The following PPA1 variants were observed in gnomAD, a reference collection of about 807,000 sequenced individuals.
PPA1 encodes inorganic pyrophosphatase.
Under a neutral mutation model 41.8 loss-of-function variants are expected in PPA1, and 23 were observed. The ratio of observed to expected loss-of-function variants is 0.55; its 90% CI spans 0.40 to 0.78. The LOEUF (loss-of-function observed/expected upper bound fraction) is 0.78. PPA1 is among the 30% of genes least tolerant of loss of function. The pLI is 0.00. For synonymous variants in PPA1, 101 were observed against 116.8 expected, an observed-to-expected ratio of 0.86 and a Z score of 0.87; for missense variants, 320 against 361.6, an observed-to-expected ratio of 0.89 and a Z score of 0.93.
chr10:70,231,542 G>C (rs1346879339), intron 1 of PPA1, among the ~76,000 whole-genome samples: 3 of 152,326 alleles, frequency 2.0e-5, no homozygotes, highest in African/African-American at 7.2e-5. Flanking sequence ...ACTCCAGCCT[G>C]GGCAACAGAG....
rs780777570 is a variant in PPA1, at chr10:70,209,651, G to A, written c.546C>T (p.Tyr182=). The part of the protein sequence containing the change: ...INDVKRLKPG[Y]LEATVDWFRR... Reference sequence around the variant, plus strand: ...TAAACCAGTCCACAGTAGCTTCTAAGTAGCCAGGTTTCAGCCGTTTGACAT... The same window carrying A: ...TAAACCAGTCCACAGTAGCTTCTAAATAGCCAGGTTTCAGCCGTTTGACAT... The change falls in exon 7 of 11, where the codon TAC becomes TAT. Residue 182 remains tyrosine (Y), a synonymous_variant. Coordinates refer to ENST00000373232, the MANE Select transcript of PPA1 (RefSeq NM_021129.4). The A allele has an allele frequency of 3.7e-6, 6 of 1,605,222 alleles. No individual in the cohort carries two copies. The South Asian group carries it at 6.7e-5, about 18-fold the overall frequency.
intron 4 of PPA1, among the ~76,000 whole-genome samples, chr10:70,215,265 T>C (rs12359484): frequency 2.0e-5 from 3 of 151,886 alleles, no homozygotes; most frequent in Non-Finnish European, 4.4e-5. Context: ...TTTCTTTTTC[T>C]TTTTTGTAGA....
chr10:70,232,385 G>A (rs879585123), intron 1 of PPA1, among the ~76,000 whole-genome samples: 10 of 152,114 alleles, frequency 6.6e-5, no homozygotes, highest in Non-Finnish European at 1.3e-4. Flanking sequence ...CTGGGGGTGG[G>A]GGGAGTAAGA....
At chr10:70,215,197 AAAAAC>A (rs911846271) in intron 4 of PPA1, among the ~76,000 whole-genome samples, 1 of 152,222 alleles carries the variant, frequency 6.6e-6, no homozygotes, top group Admixed American at 6.5e-5. Context: ...TCAATCTCAA[AAAAAC>A]AAAACAAAAC....
intron 3 of PPA1, 47 bp downstream of exon 3, chr10:70,218,717 C>T: frequency 6.8e-7 from 1 of 1,472,136 alleles, no homozygotes; most frequent in Non-Finnish European, 9.5e-7. Flanking sequence ...GTGACTAGAT[C>T]AAAACCAATA....
chr10:70,210,373 G>T (rs1564581311), intron 6 of PPA1: 1 of 1,364,780 alleles, frequency 7.3e-7, no homozygotes, highest in Non-Finnish European at 9.8e-7. Context: ...TACTATCCCT[G>T]GTCCAGAGGC....
intron 8 of PPA1, among the ~76,000 whole-genome samples, chr10:70,207,756 A>G (rs1354130046): frequency 3.9e-5 from 6 of 152,140 alleles, no homozygotes. Context: ...CAATCCTAAT[A>G]TGTTTTTTGG....
rs1491245702 is a variant in PPA1 at position 70,221,077 on chromosome 10, T to TATATATATA, written c.124-2261_124-2260insTATATATAT. On this transcript the variant is annotated intron_variant, in intron 2 of 10. Coordinates refer to ENST00000373232, the MANE Select transcript of PPA1 (RefSeq NM_021129.4). ...TATAATTTATATATATATATATATA[T>TATATATATA]TTTTTTTTTTTTTTTTTTGTAGAGA... 8.7e-3 allele frequency among the ~76,000 whole-genome samples: 87 copies of TATATATATA among 9,970 alleles called. 5 individuals are homozygous for TATATATATA. Among genetic ancestry groups the TATATATATA allele is most frequent in the African/African-American group, 0.022 (80 of 3,700 alleles). 6.5% of individuals were successfully genotyped at this position (9,970 alleles called of 152,430 possible).
chr10:70,206,620 C>T (rs996239554), intron 8 of PPA1, among the ~76,000 whole-genome samples: 12 of 150,808 alleles, frequency 8.0e-5, no homozygotes, highest in South Asian at 2.1e-4. Context: ...CTGAGGCAGG[C>T]GGATCATGAG....
intron 6 of PPA1, among the ~76,000 whole-genome samples, chr10:70,212,764 C>T (rs1247707603): frequency 1.3e-5 from 2 of 151,406 alleles, no homozygotes; most frequent in Non-Finnish European, 2.9e-5. Context: ...GAATGAAATG[C>T]CACTGAATTT....
chr10:70,214,274 T>C (rs1840053436), intron 5 of PPA1, among the ~76,000 whole-genome samples: 1 of 152,250 alleles, frequency 6.6e-6, no homozygotes, highest in African/African-American at 2.4e-5. Context: ...TTCTTCTAGA[T>C]ATATGTTCAA....
intron 2 of PPA1, among the ~76,000 whole-genome samples, chr10:70,229,640 T>A (rs1424851010): frequency 6.6e-6 from 1 of 152,250 alleles, no homozygotes; most frequent in Non-Finnish European, 1.5e-5. Flanking sequence ...AATTTTCCTA[T>A]ACTCATTGAA....
Position 70,204,882 on chromosome 10 carries a change from G to T in PPA1, c.829C>A (p.Pro277Thr). 1 of 1,593,744 alleles carries T rather than the reference G, an allele frequency of 6.3e-7. No homozygotes were observed. Among genetic ancestry groups the T allele is most frequent in the Non-Finnish European group, 8.6e-7 (1 of 1,165,790 alleles). The change falls in exon 10 of 11, where the codon CCA becomes ACA. Residue 277 changes from proline to threonine, a missense_variant. Pro to Thr is a conservative substitution (Grantham distance 38, BLOSUM62 -1). Transcript: ENST00000373232. ...GGAATAGAAATCTTACCGTCTGTTG[G>T]TACTGTGCAGGCAGATTCACAGGGT... The part of the protein sequence containing the change: ...PPPCESACTV[P>T]TDVDKWFHHQ...
chr10:70,208,841 G>A (rs777918328), intron 8 of PPA1, among the ~76,000 whole-genome samples: 8 of 149,038 alleles, frequency 5.4e-5, no homozygotes, highest in Non-Finnish European at 1.2e-4. Context: ...CGCCCAGGCT[G>A]GAGTACAGTG....
At chr10:70,221,027 A>AGT (rs56911439) in intron 2 of PPA1, among the ~76,000 whole-genome samples, 5 of 59,804 alleles carry the variant, frequency 8.4e-5, no homozygotes, top group African/African-American at 1.7e-4. Context: ...TTATATATAT[A>AGT]ATATATATAT....
Position 70,206,274 on chromosome 10 carries a change from A to G in PPA1, c.785T>C (p.Ile262Thr), listed in dbSNP as rs1198018855. ...GAAACTTTTACATACAGCATCCACA[A>G]TGGCTCTGGCAGCATCAGGATCACA... ...FKCDPDAARA[I>T]VDALPPPCES... Residue 262 changes from isoleucine (I) to threonine (T), a missense_variant, in exon 9 of 11, where the codon ATT (isoleucine) becomes ACT (threonine). By Grantham distance (89) the Ile-to-Thr change is moderately conservative. Coordinates refer to ENST00000373232, the MANE Select transcript of PPA1 (RefSeq NM_021129.4). 8 of 1,612,702 alleles carry G rather than the reference A, an allele frequency of 5.0e-6. No individual in the cohort carries two copies. Among genetic ancestry groups the G allele is most frequent in the Non-Finnish European group, 6.8e-6 (8 of 1,178,814 alleles).
intron 6 of PPA1, among the ~76,000 whole-genome samples, chr10:70,210,965 G>A (rs10999188): frequency 0.11 from 16,189 of 151,962 alleles, 1,254 homozygotes; most frequent in East Asian, 0.22. Context: ...ATGGGGTTTC[G>A]TGTTAGCTAG....
At position 70,214,516 on chromosome 10, in the gene PPA1, C is replaced by T. The variant is rs1381397319; in HGVS notation, c.368G>A (p.Cys123Tyr). The stretch of plus-strand genomic sequence containing the variant: ...TTTCATTACCTTGCTTCCAATTTCA[C>T]ACACATCAATTGGGTCATTGTCACC... ...CCGDNDPIDVCEIGSKVCARG... is the reference protein window; with the variant it reads ...CCGDNDPIDVYEIGSKVCARG... The change falls in exon 5 of 11, where the codon TGT becomes TAT. Residue 123 changes from cysteine to tyrosine, a missense_variant. Transcript: ENST00000373232. 7 of 1,612,886 alleles carry T rather than the reference C, an allele frequency of 4.3e-6. No individual in the cohort carries two copies. Among genetic ancestry groups the T allele is most frequent in the Non-Finnish European group, 2.5e-6 (3 of 1,179,342 alleles).
rs182463933 is a variant in PPA1 at position 70,233,223 on chromosome 10, G to C, written c.64+41C>G. 2.5e-5 allele frequency: 38 copies of C among 1,523,838 alleles called. No individual in the cohort carries two copies. The Admixed American group carries it at 5.9e-4, about 24-fold the overall frequency. 94.4% of individuals were successfully genotyped at this position (1,523,838 alleles called of 1,614,324 possible). On this transcript the variant is annotated intron_variant, in intron 1 of 10. Transcript: ENST00000373232. Reference sequence around the variant, plus strand: ...GGGAGGCAAGGCCCGGGAATGAATGGGCGGACGGGCGCGGAGGGGCCACGG... The same window carrying C: ...GGGAGGCAAGGCCCGGGAATGAATGCGCGGACGGGCGCGGAGGGGCCACGG...
Sources: gnomAD v4.1 joint callset for allele counts (sites outside exome capture counted in the v4.1 genomes callset) on GRCh38, gnomAD v4.1.1 for gene constraint, MANE v1.5 for transcripts, NCBI Gene and HGNC (gene_info 2026-07-23, HGNC 2026-07-21) for gene names.